Variants in RAD51C observed in about 807,000 individuals in gnomAD.
RAD51C encodes RAD51 paralog C.
Under a neutral mutation model 45.0 loss-of-function variants are expected in RAD51C, and 42 were observed. That is an observed-to-expected ratio of 0.93 (90% CI 0.73 to 1.21). The LOEUF is 1.21. RAD51C is among the 50% of genes most tolerant of loss of function. RAD51C has a pLI of 0.00. For synonymous variants in RAD51C, 172 were observed against 159.8 expected, an observed-to-expected ratio of 1.08 and a Z score of -0.58; for missense variants, 474 against 452.2, an observed-to-expected ratio of 1.05 and a Z score of -0.44.
chr17:58,721,742 A>G lies in RAD51C; in HGVS notation c.904+930A>G, dbSNP rs9903450. 9.0e-4 allele frequency among the ~76,000 whole-genome samples: 137 copies of G among 152,056 alleles called. 1 individual carries two copies. The highest frequency in any genetic ancestry group is 3.2e-3 in the African/African-American group (134 of 41,470). ...CCATTGCACTCCAGCCTGGGCAACAAGAGTGAAACTCTGTCTCAAAAAAAA... is the reference window on the plus strand; with the variant it reads ...CCATTGCACTCCAGCCTGGGCAACAGGAGTGAAACTCTGTCTCAAAAAAAA... On this transcript the variant is annotated intron_variant, in intron 6 of 8. Coordinates refer to ENST00000337432, the MANE Select transcript of RAD51C (RefSeq NM_058216.3).
At chr17:58,708,874 TTTTTTTG>T (rs749308327) in intron 4 of RAD51C, among the ~76,000 whole-genome samples, 17 of 151,424 alleles carry the variant, frequency 1.1e-4, no homozygotes, top group East Asian at 2.0e-4. Context: ...AGCCTGAAGG[TTTTTTTG>T]TTTTTTGTTT....
At chr17:58,693,467 G>A (rs1237165638) in intron 1 of RAD51C, 1 of 152,636 alleles carries the variant, frequency 6.6e-6, no homozygotes, top group Non-Finnish European at 1.5e-5. Context: ...CACTGAAGAA[G>A]ATGGAACAGA....
At chr17:58,714,714 C>T (rs1164984969) in intron 5 of RAD51C, among the ~76,000 whole-genome samples, 1 of 152,230 alleles carries the variant, frequency 6.6e-6, no homozygotes, top group Admixed American at 6.5e-5. Flanking sequence ...GCCTCAGCCT[C>T]CCAAAGTGCT....
intron 4 of RAD51C, chr17:58,709,569 G>T (rs886068180): frequency 1.2e-5 from 3 of 256,052 alleles, no homozygotes; most frequent in Non-Finnish European, 2.3e-5. Context: ...CCAATGCTAT[G>T]TTTTTTTCTA....
chr17:58,734,006 G>A (rs2049553695), intron 8 of RAD51C, 112 bp from the exon 9 acceptor site: 4 of 1,492,510 alleles, frequency 2.7e-6, no homozygotes, highest in Non-Finnish European at 3.6e-6. Context: ...GTGAGCCACT[G>A]CGCCTGGCCC....
chr17:58,710,317 T>TAAAAA (rs71143280), intron 5 of RAD51C, among the ~76,000 whole-genome samples: 8 of 67,420 alleles, frequency 1.2e-4, no homozygotes, highest in African/African-American at 3.7e-4. Flanking sequence ...CTGTCTCTAC[T>TAAAAA]AAAAAAAAAA....
intron 3 of RAD51C, among the ~76,000 whole-genome samples, chr17:58,701,570 C>G (rs2048212256): frequency 6.7e-6 from 1 of 149,538 alleles, no homozygotes; most frequent in Non-Finnish European, 1.5e-5. Context: ...TGTGCAAAAT[C>G]AAACTTTTTT....
intron 7 of RAD51C, among the ~76,000 whole-genome samples, chr17:58,728,859 A>G (rs1165252978): frequency 6.6e-6 from 1 of 152,178 alleles, no homozygotes; most frequent in Non-Finnish European, 1.5e-5. Context: ...ACTTTTGTCT[A>G]TGTCCTTATA....
At chr17:58,694,059 G>T (rs946722948) in intron 1 of RAD51C, 1 of 152,222 alleles carries the variant, frequency 6.6e-6, no homozygotes, top group Non-Finnish European at 1.5e-5. Flanking sequence ...TGTCAGATGG[G>T]TGAAATTGTG....
chr17:58,722,267 A>G (rs966577182), intron 6 of RAD51C, among the ~76,000 whole-genome samples: 1 of 152,186 alleles, frequency 6.6e-6, no homozygotes, highest in African/African-American at 2.4e-5. Context: ...AAGTTGTGAT[A>G]ATTCTGATGC....
rs559550449 is a variant in RAD51C at position 58,729,392 on chromosome 17, T to C, written c.966-3092T>C. Among the ~76,000 whole-genome samples, 5 of 150,796 alleles carry C rather than the reference T, an allele frequency of 3.3e-5. No individual in the cohort carries two copies. In the South Asian group the frequency reaches 1.0e-3, roughly 32 times the overall value. ...ACCACCACGCCTGGCTAATTTTTTG[T>C]ATTTTTAGTTGAGATGGGGTTTCTC... On this transcript the variant is annotated intron_variant, in intron 7 of 8. Transcript: ENST00000337432.
intron 5 of RAD51C, among the ~76,000 whole-genome samples, chr17:58,711,489 T>C (rs2048555337): frequency 6.6e-6 from 1 of 152,144 alleles, no homozygotes. Flanking sequence ...TTTTTATTTT[T>C]TTGGAGACAG....
At chr17:58,696,033 C>T (rs1433625514) in intron 2 of RAD51C, among the ~76,000 whole-genome samples, 5 of 151,182 alleles carry the variant, frequency 3.3e-5, no homozygotes, top group Admixed American at 6.6e-5. Context: ...TGCCACTGCA[C>T]TCCAGCTTGG....
At position 58,695,166 on chromosome 17, in the gene RAD51C, A is replaced by G. The variant is rs2143727201; in HGVS notation, c.381A>G (p.Pro127=). ...AAACAACAGAAATTTGTGGTGCACC[A>G]GGTGTTGGAAAAACACAATTATGGT... is the stretch of plus-strand genomic sequence containing the variant. ...LMKTTEICGA[P]GVGKTQLCMQ... The change falls in exon 2 of 9, where the codon CCA becomes CCG. Residue 127 remains proline (P), a synonymous_variant. Transcript: ENST00000337432. 6.2e-7 allele frequency: 1 copy of G among 1,612,576 alleles called. No homozygotes were observed. The highest frequency in any genetic ancestry group is 8.5e-7 in the Non-Finnish European group (1 of 1,178,968).
chr17:58,699,277 A>T (rs1177096855), intron 3 of RAD51C, among the ~76,000 whole-genome samples: 1 of 152,112 alleles, frequency 6.6e-6, no homozygotes, highest in Non-Finnish European at 1.5e-5. Context: ...AAGTGCTGGG[A>T]TTACAGGCAT....
At chr17:58,706,067 A>G (rs1278562274) in intron 4 of RAD51C, 2 of 152,236 alleles carry the variant, frequency 1.3e-5, no homozygotes, top group African/African-American at 4.8e-5. Context: ...AATGCATAGG[A>G]TGAACATTCC....
At chr17:58,712,946 G>C (rs1308975728) in intron 5 of RAD51C, among the ~76,000 whole-genome samples, 1 of 152,158 alleles carries the variant, frequency 6.6e-6, no homozygotes. Context: ...AATATAGTGA[G>C]ACTTCATCGC....
intron 2 of RAD51C, chr17:58,695,415 T>G: frequency 8.2e-7 from 1 of 1,215,506 alleles, no homozygotes; most frequent in Non-Finnish European, 1.1e-6. Flanking sequence ...TTGCAAATTG[T>G]ACTGCAGTCA....
chr17:58,696,521 TTGGTTCACATTATATC>T (rs2143740504), intron 2 of RAD51C, among the ~76,000 whole-genome samples, 156 bp from the exon 3 acceptor site: 1 of 152,368 alleles, frequency 6.6e-6, no homozygotes, highest in South Asian at 2.1e-4. Context: ...ATATAGTCGA[TTGGTTCACATTATATC>T]TGGAGTCATG....
Sources: gnomAD v4.1 joint callset for allele counts (sites outside exome capture counted in the v4.1 genomes callset) on GRCh38, gnomAD v4.1.1 for gene constraint, MANE v1.5 for transcripts, NCBI Gene and HGNC (gene_info 2026-07-23, HGNC 2026-07-21) for gene names.